SMU1: variants seen among roughly 807,000 people sequenced by gnomAD.
The protein encoded by SMU1 is SMU1 DNA replication regulator and spliceosomal factor.
SMU1 carries 2 observed loss-of-function variants against 62.0 expected under a neutral mutation model. The observed-to-expected ratio is 0.03, with a 90% CI of 0.01 to 0.10. The LOEUF (loss-of-function observed/expected upper bound fraction) is 0.10, where lower values mean the gene tolerates loss of function less well. SMU1 is among the 10% of genes least tolerant of loss of function. The probability of loss-of-function intolerance (pLI) is 1.00; values close to 1 mark genes in which losing one functional copy is unlikely to be tolerated. For synonymous variants in SMU1, 188 were observed against 212.4 expected (o/e 0.89, Z 1.00); for missense variants, 227 against 622.1 (o/e 0.36, Z 6.76).
chr9:33,051,947 G>T (rs1839254676), intron 10 of SMU1, among the ~76,000 whole-genome samples: 1 of 151,066 alleles, frequency 6.6e-6, no homozygotes, highest in Admixed American at 6.6e-5. Flanking sequence ...AACCCGGCAG[G>T]CGGAGGTTAC....
At chr9:33,057,966 AT>A (rs530246912) in intron 6 of SMU1, among the ~76,000 whole-genome samples, 1 of 152,118 alleles carries the variant, frequency 6.6e-6, no homozygotes, top group Non-Finnish European at 1.5e-5. Flanking sequence ...TTCCTTACTG[AT>A]TTTTTTCTAG....
intron 10 of SMU1, among the ~76,000 whole-genome samples, chr9:33,051,720 C>CTA (rs1839251403): frequency 6.6e-6 from 1 of 152,138 alleles, no homozygotes; most frequent in African/African-American, 2.4e-5. Flanking sequence ...GAAGACGTGA[C>CTA]TATAAAGATG....
At chr9:33,052,777 G>C (rs1839264305) in intron 10 of SMU1, among the ~76,000 whole-genome samples, 1 of 152,176 alleles carries the variant, frequency 6.6e-6, no homozygotes. Context: ...GAGATGTCCT[G>C]AGTTGGTAAT....
chr9:33,066,983 A>G (rs1839428206), intron 4 of SMU1, among the ~76,000 whole-genome samples: 1 of 151,910 alleles, frequency 6.6e-6, no homozygotes, highest in Non-Finnish European at 1.5e-5. Context: ...CAGCAAGCGG[A>G]AAAAAAAGGA....
Position 33,075,807 on chromosome 9 carries a change from T to G in SMU1, c.26+776A>C, listed in dbSNP as rs570203405. Among the ~76,000 whole-genome samples, 7 of 152,254 alleles carry G rather than the reference T, an allele frequency of 4.6e-5. No homozygotes were observed. The South Asian group carries it at 1.5e-3, about 32-fold the overall frequency. ...CAATTTTTATGTCTGTTAATTTAAT[T>G]ATTATTAAGTGTTGGCAAGGACAGG... On this transcript the variant is annotated intron_variant, in intron 1 of 11. Coordinates refer to ENST00000397149, the MANE Select transcript of SMU1 (RefSeq NM_018225.3).
chr9:33,051,730 G>A (rs1391083870), intron 10 of SMU1, among the ~76,000 whole-genome samples: 8 of 152,306 alleles, frequency 5.3e-5, no homozygotes, highest in African/African-American at 1.9e-4. Flanking sequence ...CTATAAAGAT[G>A]TAGCATGAGA....
chr9:33,067,445 C>T (rs1442029233), intron 4 of SMU1, among the ~76,000 whole-genome samples: 3 of 150,880 alleles, frequency 2.0e-5, no homozygotes, highest in African/African-American at 4.9e-5. Context: ...TGAAGTACTA[C>T]TTAAACGATG....
In SMU1 at chr9:33,059,275, C is replaced by A. The variant is rs574213895; in HGVS notation, c.750+1190G>T. ...TTTGAAAAGGATACATAATAAGTAA[C>A]ACACACACAGGATATTCCAGTAAAG... On this transcript the variant is annotated intron_variant, in intron 6 of 11. Transcript: ENST00000397149. 7.9e-5 allele frequency among the ~76,000 whole-genome samples: 12 copies of A among 152,096 alleles called. No homozygotes were observed. In the South Asian group the frequency reaches 2.5e-3, roughly 32 times the overall value.
At chr9:33,064,734 T>C (rs1839400502) in intron 4 of SMU1, among the ~76,000 whole-genome samples, 1 of 151,760 alleles carries the variant, frequency 6.6e-6, no homozygotes, top group African/African-American at 2.4e-5. Context: ...TTGCTAAATA[T>C]ATTTTTTCTT....
At position 33,047,409 on chromosome 9, in the gene SMU1, C is replaced by T. The variant is rs750157212; in HGVS notation, c.1444-18G>A. On this transcript the variant is annotated intron_variant, in intron 11 of 11. Transcript: ENST00000397149. ...TCGTGCACCTGGAACATGTAAAGCACAGGGTTAGGATGTACAGATCTGCAA... is the reference window on the plus strand; with the variant it reads ...TCGTGCACCTGGAACATGTAAAGCATAGGGTTAGGATGTACAGATCTGCAA... 4.4e-6 allele frequency: 7 copies of T among 1,607,188 alleles called. No individual in the cohort carries two copies. In the South Asian group the frequency reaches 6.6e-5, roughly 15 times the overall value.
At position 33,056,166 on chromosome 9, in the gene SMU1, A is replaced by G; in HGVS notation, c.1069T>C (p.Phe357Leu). ...ATAATGTAATGTCCATCTTGTGTAAATGTTGCTTCGTTAACAAAGGAGGAA... is the reference window on the plus strand; with the variant it reads ...ATAATGTAATGTCCATCTTGTGTAAGTGTTGCTTCGTTAACAAAGGAGGAA... ...GHSSFVNEATFTQDGHYIISA... is the reference protein window; with the variant it reads ...GHSSFVNEATLTQDGHYIISA... The change falls in exon 9 of 12, where the codon TTT (phenylalanine) becomes CTT (leucine). Residue 357 changes from phenylalanine to leucine, a missense_variant. Phe to Leu is a conservative substitution (Grantham distance 22). Transcript: ENST00000397149. 5 of 1,613,606 alleles carry G rather than the reference A, an allele frequency of 3.1e-6. No individual in the cohort carries two copies. The highest frequency in any genetic ancestry group is 4.2e-6 in the Non-Finnish European group (5 of 1,179,706).
rs534277600 is a variant in SMU1 at position 33,057,851 on chromosome 9, C to T, written c.751-137G>A. 96 of 965,462 alleles carry T rather than the reference C, an allele frequency of 9.9e-5. No individual in the cohort carries two copies. In the Middle Eastern group the frequency reaches 1.3e-3, roughly 13 times the overall value. The allele number at this position is 965,462 out of a possible 1,614,324, so 59.8% of individuals were successfully genotyped here. The stretch of plus-strand genomic sequence containing the variant: ...AGTAAACAGAAGTGCCGTGCATACA[C>T]GTTCCTAGTAAGTAACTAGTTCCCA... On this transcript the variant is annotated intron_variant, in intron 6 of 11. Transcript: ENST00000397149.
chr9:33,051,865 A>T (rs1204638304), intron 10 of SMU1, among the ~76,000 whole-genome samples: 3 of 151,788 alleles, frequency 2.0e-5, no homozygotes. Flanking sequence ...GACCAGCCTG[A>T]CCAACTTGGA....
At chr9:33,061,008 T>C (rs997675221) in intron 5 of SMU1, among the ~76,000 whole-genome samples, 15 of 152,252 alleles carry the variant, frequency 9.9e-5, no homozygotes, top group African/African-American at 3.4e-4. Flanking sequence ...ACTAAATGTA[T>C]GTTTCCCTAT....
At chr9:33,056,288 T>C (rs1382167104) in intron 8 of SMU1, 49 bp from the exon 9 acceptor site, 2 of 1,554,068 alleles carry the variant, frequency 1.3e-6, no homozygotes, top group Non-Finnish European at 1.7e-6. Context: ...TAATATCTTA[T>C]GGTTGTGACC....
intron 7 of SMU1, among the ~76,000 whole-genome samples, chr9:33,057,206 A>G (rs1324522271): frequency 6.6e-6 from 1 of 152,242 alleles, no homozygotes; most frequent in Admixed American, 6.5e-5. Context: ...TTCACTTAGC[A>G]GAGACCATTT....
At chr9:33,064,373 T>C (rs1839395749) in intron 4 of SMU1, among the ~76,000 whole-genome samples, 1 of 152,232 alleles carries the variant, frequency 6.6e-6, no homozygotes, top group African/African-American at 2.4e-5. Context: ...GATTATATTA[T>C]CTCCCAGTGT....
intron 4 of SMU1, among the ~76,000 whole-genome samples, chr9:33,065,643 G>C (rs1434222699): frequency 6.6e-6 from 1 of 152,150 alleles, no homozygotes; most frequent in Non-Finnish European, 1.5e-5. Flanking sequence ...CTCCAAAAAG[G>C]CTTAGGAACT....
chr9:33,076,561 A>C, intron 1 of SMU1, 22 bp downstream of exon 1: 5 of 1,613,544 alleles, frequency 3.1e-6, no homozygotes, highest in Non-Finnish European at 4.2e-6. Context: ...CAAGGCGCGA[A>C]CATCCCCACC....
Sources: gnomAD v4.1 joint callset for allele counts (sites outside exome capture counted in the v4.1 genomes callset) on GRCh38, gnomAD v4.1.1 for gene constraint, MANE v1.5 for transcripts, NCBI Gene and HGNC (gene_info 2026-07-23, HGNC 2026-07-21) for gene names.